The following FBXW11 variants were observed in gnomAD, a reference collection of about 807,000 sequenced individuals.
FBXW11 encodes F-box/WD repeat-containing protein 11.
A neutral mutation model predicts 77.6 loss-of-function variants in FBXW11; 19 were observed. The ratio of observed to expected loss-of-function variants is 0.24; its 90% CI spans 0.17 to 0.36. The LOEUF (loss-of-function observed/expected upper bound fraction) is 0.36. Among genes scored for constraint, FBXW11 ranks in the 10% least tolerant of loss-of-function variants. FBXW11 has a pLI of 1.00. For missense variants in FBXW11, 334 were observed against 704.2 expected (o/e 0.47, Z 5.95); for synonymous variants, 235 against 249.4 (o/e 0.94, Z 0.54).
At chr5:171,884,371 G>C (rs767219298) in intron 7 of FBXW11, among the ~76,000 whole-genome samples, 12 of 152,010 alleles carry the variant, frequency 7.9e-5, no homozygotes, top group Non-Finnish European at 1.5e-4. Context: ...TTTATTTCTG[G>C]GTTCTCTATT....
chr5:171,971,424 T>C (rs1462481381), intron 1 of FBXW11, among the ~76,000 whole-genome samples: 2 of 152,198 alleles, frequency 1.3e-5, no homozygotes, highest in African/African-American at 4.8e-5. Context: ...AGACCCTTTT[T>C]CCATGCGTTG....
At chr5:171,936,926 AAAG>A (rs1274263409) in intron 2 of FBXW11, among the ~76,000 whole-genome samples, 1 of 152,234 alleles carries the variant, frequency 6.6e-6, no homozygotes, top group African/African-American at 2.4e-5. Flanking sequence ...ATTCCTAGAA[AAAG>A]AAGAACAATT....
chr5:171,987,434 G>C (rs538880495), intron 1 of FBXW11, among the ~76,000 whole-genome samples: 10 of 151,998 alleles, frequency 6.6e-5, no homozygotes, highest in African/African-American at 2.4e-4. Context: ...CAAAGGGTAA[G>C]TTTTTTTGGG....
chr5:171,917,766 C>CTGTGTGTGTGTGTGTGTGTGTG (rs60601173), intron 2 of FBXW11, among the ~76,000 whole-genome samples: 3 of 147,580 alleles, frequency 2.0e-5, no homozygotes, highest in Non-Finnish European at 4.5e-5. Context: ...TAGACTCACT[C>CTGTGTGTGTGTGTGTGTGTGTG]TGTGTGTGTG....
Position 171,869,845 on chromosome 5 carries a change from A to T in FBXW11, c.1452-38T>A, listed in dbSNP as rs750049684. 8 of 1,396,780 alleles carry T rather than the reference A, an allele frequency of 5.7e-6. No individual in the cohort carries two copies. The Admixed American group carries it at 1.5e-4, about 26-fold the overall frequency. The allele number at this position is 1,396,780 out of a possible 1,614,324, so 86.5% of individuals were successfully genotyped here. On this transcript the variant is annotated intron_variant, in intron 11 of 13. Coordinates refer to ENST00000517395, the MANE Select transcript of FBXW11 (RefSeq NM_001378974.1). This position sits in a 1 kb window ranked among gnomAD's most constrained non-coding sequence, Gnocchi z 4.1. ...ATGAGATGTGATTAGTGGAAAAGTG[A>T]ACAATTTATATGCTGTCAAACATTT...
Position 172,006,503 on chromosome 5 carries a change from G to A in FBXW11, c.-1C>T, listed in dbSNP as rs1367518303. On this transcript the variant is annotated 5_prime_UTR_variant, in exon 1 of 14. Transcript: ENST00000517395. ...CCTCAATCACCGAGTCGGGCTCCAT[G>A]GCGGCCCCGGCGGCCCCGCCTCGCT... is the stretch of plus-strand genomic sequence containing the variant. The A allele has an allele frequency of 6.6e-7, 1 of 1,506,462 alleles. No homozygotes were observed. The highest frequency in any genetic ancestry group is 2.2e-5 in the Admixed American group (1 of 45,360). 93.3% of individuals were successfully genotyped at this position (1,506,462 alleles called of 1,614,324 possible). A position where few individuals can be genotyped will look rare whatever the true frequency, so the allele number is the denominator to read the frequency against.
chr5:171,872,650 A>G (rs1241660536), intron 10 of FBXW11, among the ~76,000 whole-genome samples: 1 of 152,204 alleles, frequency 6.6e-6, no homozygotes, highest in Admixed American at 6.5e-5. Context: ...GCTGAGGTTA[A>G]AAAACTTTGT....
At chr5:171,889,727 A>G (rs1759186886) in intron 7 of FBXW11, among the ~76,000 whole-genome samples, 1 of 151,050 alleles carries the variant, frequency 6.6e-6, no homozygotes, top group East Asian at 1.9e-4. Flanking sequence ...TCTCTAATAA[A>G]AATACAAAAA....
chr5:171,985,289 A>G (rs1765373511), intron 1 of FBXW11, among the ~76,000 whole-genome samples: 1 of 152,048 alleles, frequency 6.6e-6, no homozygotes, highest in South Asian at 2.1e-4. Context: ...TCCCTTCTCA[A>G]CCACATCCAC....
At chr5:171,882,308 G>T (rs929134160) in intron 7 of FBXW11, among the ~76,000 whole-genome samples, 1 of 152,050 alleles carries the variant, frequency 6.6e-6, no homozygotes, top group Admixed American at 6.6e-5. Context: ...CACACACAGC[G>T]AAGGAGGAGG....
chr5:171,975,257 C>T (rs916802953), intron 1 of FBXW11, among the ~76,000 whole-genome samples: 3 of 152,166 alleles, frequency 2.0e-5, no homozygotes, highest in African/African-American at 7.2e-5. Context: ...CCATATGCCA[C>T]TAGAAAAGAA....
intron 2 of FBXW11, among the ~76,000 whole-genome samples, chr5:171,926,170 A>G (rs146394628): frequency 1.2e-3 from 184 of 152,330 alleles, no homozygotes; most frequent in African/African-American, 3.6e-3. Flanking sequence ...TTTAAAAGTA[A>G]GTAAAAGATT....
chr5:171,980,587 G>T (rs1765086235), intron 1 of FBXW11, among the ~76,000 whole-genome samples: 1 of 152,104 alleles, frequency 6.6e-6, no homozygotes, highest in African/African-American at 2.4e-5. Flanking sequence ...ATTCAAGTGG[G>T]CAATAGGCAC....
At chr5:172,002,445 T>G (rs1170867736) in intron 1 of FBXW11, among the ~76,000 whole-genome samples, 1 of 151,174 alleles carries the variant, frequency 6.6e-6, no homozygotes, top group African/African-American at 2.4e-5. Flanking sequence ...TGTGTGTGTG[T>G]GGTTTATTCA....
intron 6 of FBXW11, among the ~76,000 whole-genome samples, chr5:171,893,141 C>A (rs549599196): frequency 1.3e-5 from 2 of 152,008 alleles, no homozygotes; most frequent in Non-Finnish European, 2.9e-5. Context: ...GATATCGATA[C>A]ACGTATACTT....
intron 1 of FBXW11, chr5:171,977,728 A>G: frequency 2.6e-6 from 1 of 386,412 alleles, no homozygotes; most frequent in East Asian, 8.9e-5. Flanking sequence ...GCAAAGAGAG[A>G]GAAGCTTGTG....
In FBXW11 at chr5:171,914,424, G is replaced by T; in HGVS notation, c.148-19C>A. 1 of 1,561,936 alleles carries T rather than the reference G, an allele frequency of 6.4e-7. No homozygotes were observed. The highest frequency in any genetic ancestry group is 8.6e-7 in the Non-Finnish European group (1 of 1,161,464). The stretch of plus-strand genomic sequence containing the variant: ...AAGTGTTCTAGGGGGGGAAAAACAG[G>T]TTATTTGAATTATACCAAGTTTTGC... On this transcript the variant is annotated intron_variant, in intron 2 of 13. Transcript: ENST00000517395.
chr5:171,902,378 T>C (rs187557236), intron 4 of FBXW11, among the ~76,000 whole-genome samples: 1 of 152,320 alleles, frequency 6.6e-6, no homozygotes, highest in East Asian at 1.9e-4. Flanking sequence ...ATGTTCATTA[T>C]AGAAAATTTA....
chr5:171,896,364 T>C (rs1156389100), intron 6 of FBXW11, among the ~76,000 whole-genome samples: 1 of 152,140 alleles, frequency 6.6e-6, no homozygotes, highest in East Asian at 1.9e-4. Context: ...ATTCCAAGTG[T>C]CATTTATCTT....
Sources: gnomAD v4.1 joint callset for allele counts (sites outside exome capture counted in the v4.1 genomes callset) on GRCh38, gnomAD v4.1.1 for gene constraint, Gnocchi (gnomAD v3.1) non-coding constraint, MANE v1.5 for transcripts, NCBI Gene and HGNC (gene_info 2026-07-23, HGNC 2026-07-21) for gene names.